Variants in GPR39 observed in about 807,000 individuals in gnomAD.
GPR39 encodes zinc sensing receptor.
GPR39 carries 23 observed loss-of-function variants against 18.4 expected under a neutral mutation model. The ratio of observed to expected loss-of-function variants is 1.25; its 90% CI spans 0.90 to 1.77. The LOEUF (loss-of-function observed/expected upper bound fraction) is 1.77. Among genes scored for constraint, GPR39 ranks in the 40% most tolerant of loss-of-function variants. The probability of loss-of-function intolerance (pLI) is 0.00; values close to 1 mark genes in which losing one functional copy is unlikely to be tolerated. For synonymous variants in GPR39, 280 were observed against 257.9 expected (o/e 1.09, Z -0.82); for missense variants, 647 against 602.4 (o/e 1.07, Z -0.78).
chr2:132,607,710 A>G (rs1681163972), intron 1 of GPR39, among the ~76,000 whole-genome samples: 1 of 152,212 alleles, frequency 6.6e-6, no homozygotes, highest in African/African-American at 2.4e-5. Flanking sequence ...AACAATTTCA[A>G]CATAGAACTC....
chr2:132,603,422 A>T (rs1014265575), intron 1 of GPR39, among the ~76,000 whole-genome samples: 2 of 152,172 alleles, frequency 1.3e-5, no homozygotes, highest in African/African-American at 4.8e-5. Flanking sequence ...ACAAAATTAC[A>T]GCTAGAGAGG....
intron 1 of GPR39, among the ~76,000 whole-genome samples, chr2:132,583,971 G>A (rs1394497879): frequency 6.6e-6 from 1 of 151,856 alleles, no homozygotes; most frequent in Non-Finnish European, 1.5e-5. Flanking sequence ...GCTTTCTAAC[G>A]ACTTCAGAGG....
intron 1 of GPR39, among the ~76,000 whole-genome samples, chr2:132,455,587 C>G (rs529149138): frequency 5.7e-4 from 87 of 152,084 alleles, no homozygotes; most frequent in Non-Finnish European, 1.1e-3. Flanking sequence ...TGTCAATTTT[C>G]GATCTTTCCT....
chr2:132,472,455 A>G lies in GPR39; in HGVS notation c.856+54557A>G, dbSNP rs144988976. ...CAAAGTGGATGACTGAGTGTCTGCCAGAAGCTTTGCTTCCTGGGAGGCCAC... is the reference window on the plus strand; with the variant it reads ...CAAAGTGGATGACTGAGTGTCTGCCGGAAGCTTTGCTTCCTGGGAGGCCAC... On this transcript the variant is annotated intron_variant, in intron 1 of 1. Coordinates refer to ENST00000329321, the MANE Select transcript of GPR39 (RefSeq NM_001508.3). Among the ~76,000 whole-genome samples, 366 of 152,242 alleles carry G rather than the reference A, an allele frequency of 2.4e-3. 5 individuals are homozygous for G. Among genetic ancestry groups the G allele is most frequent in the African/African-American group, 8.2e-3 (340 of 41,546 alleles).
At chr2:132,576,378 T>C (rs1234267987) in intron 1 of GPR39, among the ~76,000 whole-genome samples, 1 of 152,038 alleles carries the variant, frequency 6.6e-6, no homozygotes, top group Non-Finnish European at 1.5e-5. Flanking sequence ...CCTAGCCAGG[T>C]GTGATGGCTC....
intron 1 of GPR39, among the ~76,000 whole-genome samples, chr2:132,427,452 C>T (rs4271813): frequency 2.1e-3 from 311 of 150,672 alleles, no homozygotes; most frequent in African/African-American, 7.2e-3. Flanking sequence ...TGAGCCACTG[C>T]GCCTGGCCTG....
At chr2:132,539,258 G>T (rs1317730353) in intron 1 of GPR39, among the ~76,000 whole-genome samples, 1 of 152,136 alleles carries the variant, frequency 6.6e-6, no homozygotes, top group African/African-American at 2.4e-5. Context: ...ACCCGGGTAG[G>T]TGGGACAGTC....
chr2:132,625,571 A>G (rs1302784309), intron 1 of GPR39, among the ~76,000 whole-genome samples: 1 of 152,184 alleles, frequency 6.6e-6, no homozygotes, highest in Non-Finnish European at 1.5e-5. Context: ...AATGGCTCAT[A>G]TGAGAACAGA....
intron 1 of GPR39, among the ~76,000 whole-genome samples, chr2:132,436,645 T>C (rs3762467): frequency 0.4 from 60,084 of 151,650 alleles, 12,844 homozygotes; most frequent in African/African-American, 0.58. Context: ...ATATCAGAGG[T>C]GGGTAGTATT....
intron 1 of GPR39, among the ~76,000 whole-genome samples, chr2:132,422,421 C>T (rs773582479): frequency 5.3e-5 from 8 of 150,256 alleles, no homozygotes; most frequent in Non-Finnish European, 8.8e-5. Context: ...CTGTATATTT[C>T]GTATTACACA....
intron 1 of GPR39, among the ~76,000 whole-genome samples, chr2:132,533,492 CTACTT>C (rs1377779989): frequency 7.0e-5 from 10 of 143,384 alleles, no homozygotes; most frequent in African/African-American, 2.5e-4. Context: ...TTGGAAAAAA[CTACTT>C]TAAAGTTCAT....
At chr2:132,464,320 A>AGCTG (rs2104778896) in intron 1 of GPR39, among the ~76,000 whole-genome samples, 1 of 152,328 alleles carries the variant, frequency 6.6e-6, no homozygotes, top group East Asian at 1.9e-4. Context: ...GCAGCCTTGA[A>AGCTG]GCTGGTGTCC....
intron 1 of GPR39, among the ~76,000 whole-genome samples, chr2:132,577,298 A>G (rs1384019190): frequency 6.6e-6 from 1 of 152,120 alleles, no homozygotes; most frequent in Non-Finnish European, 1.5e-5. Context: ...TGGAGGTTGC[A>G]GTGAGCCAAG....
At chr2:132,520,264 C>T (rs913231318) in intron 1 of GPR39, among the ~76,000 whole-genome samples, 10 of 152,202 alleles carry the variant, frequency 6.6e-5, no homozygotes, top group Non-Finnish European at 1.2e-4. Context: ...GCCTTTGATA[C>T]TGCTGTGGTA....
intron 1 of GPR39, among the ~76,000 whole-genome samples, chr2:132,485,896 G>T (rs955928226): frequency 6.6e-6 from 1 of 152,158 alleles, no homozygotes; most frequent in Non-Finnish European, 1.5e-5. Context: ...CTAGAATGGG[G>T]AATTCTTTCC....
At chr2:132,577,667 T>G (rs571732389) in intron 1 of GPR39, among the ~76,000 whole-genome samples, 1 of 152,234 alleles carries the variant, frequency 6.6e-6, no homozygotes, top group Non-Finnish European at 1.5e-5. Flanking sequence ...TGTCTTTTAA[T>G]GTTGGTTTCC....
intron 1 of GPR39, among the ~76,000 whole-genome samples, chr2:132,531,347 C>T (rs893194631): frequency 1.3e-5 from 2 of 152,228 alleles, no homozygotes; most frequent in Admixed American, 1.3e-4. Flanking sequence ...CATCCAGATT[C>T]ATAGAGCAAG....
intron 1 of GPR39, among the ~76,000 whole-genome samples, chr2:132,517,038 A>G (rs548518668): frequency 1.3e-5 from 2 of 152,176 alleles, no homozygotes; most frequent in African/African-American, 2.4e-5. Flanking sequence ...TAACTGTATA[A>G]TAAGATAAAA....
chr2:132,442,522 T>C (rs753749736), intron 1 of GPR39, among the ~76,000 whole-genome samples: 3 of 152,198 alleles, frequency 2.0e-5, no homozygotes, highest in Non-Finnish European at 4.4e-5. Flanking sequence ...CCTGCGTCCT[T>C]GAAACAGAAG....
Sources: gnomAD v4.1 joint callset for allele counts (sites outside exome capture counted in the v4.1 genomes callset) on GRCh38, gnomAD v4.1.1 for gene constraint, MANE v1.5 for transcripts, NCBI Gene and HGNC (gene_info 2026-07-23, HGNC 2026-07-21) for gene names.